The following COL11A1 variants were observed in gnomAD, a reference collection of about 807,000 sequenced individuals.
The protein encoded by COL11A1 is collagen type XI alpha 1 chain.
COL11A1 carries 74 observed loss-of-function variants against 265.2 expected under a neutral mutation model. The ratio of observed to expected loss-of-function variants is 0.28; its 90% CI spans 0.23 to 0.34. The LOEUF is 0.34. COL11A1 is among the 10% of genes least tolerant of loss of function. The pLI is 1.00. For missense variants in COL11A1, 2,165 were observed against 2,263.6 expected, an observed-to-expected ratio of 0.96 and a Z score of 0.88; for synonymous variants, 816 against 727.6, an observed-to-expected ratio of 1.12 and a Z score of -1.96.
chr1:103,087,965 C>T lies in COL11A1; in HGVS notation c.107-4993G>A, dbSNP rs768854437. ...CTGAAATCCTCAGGCTATCTAGTGT[C>T]GAAATTAAATTTTTTTAGGTCCTAA... On this transcript the variant is annotated intron_variant, in intron 1 of 66. Coordinates refer to ENST00000370096, the MANE Select transcript of COL11A1 (RefSeq NM_001854.4). 3.3e-5 allele frequency among the ~76,000 whole-genome samples: 5 copies of T among 152,102 alleles called. No homozygotes were observed. The East Asian group carries it at 9.7e-4, about 30-fold the overall frequency.
intron 46 of COL11A1, 30 bp downstream of exon 46, chr1:102,934,419 A>G (rs1657929241): frequency 2.7e-6 from 4 of 1,470,814 alleles, no homozygotes; most frequent in Non-Finnish European, 3.8e-6. Context: ...GGTAGAAATG[A>G]TGGAGTAAAC....
intron 31 of COL11A1, among the ~76,000 whole-genome samples, chr1:102,982,219 A>G (rs1056679051): frequency 1.1e-4 from 17 of 152,038 alleles, no homozygotes; most frequent in African/African-American, 3.9e-4. Context: ...TCTAGGAGGA[A>G]ACATTTCTGT....
At chr1:102,927,517 C>A (rs1656747292) in intron 46 of COL11A1, among the ~76,000 whole-genome samples, 1 of 152,100 alleles carries the variant, frequency 6.6e-6, no homozygotes. Context: ...GAGATCGAGA[C>A]CATCCTGGCT....
At chr1:103,088,945 A>G (rs1052952106) in intron 1 of COL11A1, among the ~76,000 whole-genome samples, 3 of 152,182 alleles carry the variant, frequency 2.0e-5, no homozygotes, top group Non-Finnish European at 4.4e-5. Flanking sequence ...CACAAACTCC[A>G]AGAGCCATCT....
intron 38 of COL11A1, among the ~76,000 whole-genome samples, chr1:102,963,482 A>G (rs1661112363): frequency 1.3e-5 from 2 of 152,198 alleles, no homozygotes; most frequent in African/African-American, 4.8e-5. Flanking sequence ...TCATGTATAA[A>G]TAGAGGATGG....
rs573707392 is a variant in COL11A1 at position 103,077,877 on chromosome 1, C to T, written c.488+781G>A. On this transcript the variant is annotated intron_variant, in intron 3 of 66. Transcript: ENST00000370096. ...TACGAACTTAGGCAAATTACTTAAA[C>T]TCTCTGAGCCTCAGTTCCCTTACCA... Among the ~76,000 whole-genome samples, 3 of 152,190 alleles carry T rather than the reference C, an allele frequency of 2.0e-5. No individual in the cohort carries two copies. The South Asian group carries it at 6.2e-4, about 32-fold the overall frequency.
chr1:103,011,912 A>T (rs3906212), intron 14 of COL11A1, among the ~76,000 whole-genome samples: 272 of 152,236 alleles, frequency 1.8e-3, no homozygotes, highest in Non-Finnish European at 2.9e-3. Context: ...TGTTATTTCC[A>T]AGAATTTCTA....
intron 28 of COL11A1, 27 bp downstream of exon 28, chr1:102,995,837 A>C: frequency 6.4e-7 from 1 of 1,559,226 alleles, no homozygotes; most frequent in Non-Finnish European, 8.8e-7. Flanking sequence ...CACAGAAATT[A>C]ATACCATCTA....
intron 4 of COL11A1, among the ~76,000 whole-genome samples, chr1:103,053,647 C>T (rs780400799): frequency 1.1e-4 from 16 of 152,094 alleles, no homozygotes; most frequent in Non-Finnish European, 2.2e-4. Context: ...GGATAACTCT[C>T]AAAAAAGAAT....
At chr1:103,068,443 T>C (rs1671320407) in intron 4 of COL11A1, among the ~76,000 whole-genome samples, 1 of 151,562 alleles carries the variant, frequency 6.6e-6, no homozygotes, top group Non-Finnish European at 1.5e-5. Flanking sequence ...AAACAGTAAA[T>C]TTCAAACTGA....
chr1:102,914,528 C>T (rs896607699), intron 51 of COL11A1, 123 bp from the exon 52 acceptor site: 28 of 1,088,182 alleles, frequency 2.6e-5, no homozygotes, highest in African/African-American at 1.3e-4. Context: ...TCTCTTCTCC[C>T]GCCAAAAAAT....
At chr1:102,970,839 C>T (rs1661900285) in intron 36 of COL11A1, among the ~76,000 whole-genome samples, 1 of 151,944 alleles carries the variant, frequency 6.6e-6, no homozygotes, top group Admixed American at 6.6e-5. Context: ...CATGCTGAAA[C>T]CCCGTCTCTA....
intron 49 of COL11A1, among the ~76,000 whole-genome samples, chr1:102,919,299 A>G (rs1655700619): frequency 6.6e-6 from 1 of 151,322 alleles, no homozygotes. Context: ...TAATCAAAAT[A>G]CTAGAATACA....
intron 57 of COL11A1, among the ~76,000 whole-genome samples, chr1:102,890,839 A>T (rs1477110104): frequency 1.3e-5 from 2 of 152,172 alleles, no homozygotes; most frequent in East Asian, 3.9e-4. Flanking sequence ...AGTTACTCAA[A>T]CATTTTTATG....
chr1:102,939,158 C>G, intron 43 of COL11A1, 70 bp from the exon 44 acceptor site: 2 of 1,348,306 alleles, frequency 1.5e-6, no homozygotes, highest in Non-Finnish European at 2.1e-6. Context: ...TATCATCAAA[C>G]AGTTAAATTT....
chr1:102,969,107 A>T (rs542967793), intron 37 of COL11A1, among the ~76,000 whole-genome samples: 1 of 152,276 alleles, frequency 6.6e-6, no homozygotes, highest in African/African-American at 2.4e-5. Context: ...ATATCCAAAC[A>T]GTTTTTTCTT....
At chr1:102,917,892 AT>A (rs1655533050) in intron 49 of COL11A1, among the ~76,000 whole-genome samples, 2 of 151,664 alleles carry the variant, frequency 1.3e-5, no homozygotes, top group Non-Finnish European at 3.0e-5. Flanking sequence ...ATTAATATTC[AT>A]TTGTCCAAAA....
chr1:102,890,626 T>A, intron 57 of COL11A1, 122 bp from the exon 58 acceptor site: 1 of 662,876 alleles, frequency 1.5e-6, no homozygotes, highest in Non-Finnish European at 2.5e-6. Context: ...TAGTAATGAT[T>A]AATGTTGCTT....
chr1:102,891,645 TG>T (rs922014575), intron 57 of COL11A1, among the ~76,000 whole-genome samples: 3 of 147,324 alleles, frequency 2.0e-5, no homozygotes, highest in Non-Finnish European at 4.5e-5. Flanking sequence ...GAGCCTGAGG[TG>T]GGAGGACCGC....
Sources: allele counts gnomAD v4.1 joint callset (sites outside exome capture counted in the v4.1 genomes callset), GRCh38; gene constraint gnomAD v4.1.1; transcripts MANE v1.5; gene names NCBI Gene and HGNC (gene_info 2026-07-23, HGNC 2026-07-21).